TNRC6B: variants seen among roughly 807,000 people sequenced by gnomAD.
TNRC6B encodes the protein trinucleotide repeat-containing gene 6B protein.
In TNRC6B, 52 loss-of-function variants were observed where a neutral mutation model predicts 203.6. That is an observed-to-expected ratio of 0.26 (90% CI 0.20 to 0.32). The LOEUF is 0.32. Among genes scored for constraint, TNRC6B ranks in the 10% least tolerant of loss-of-function variants. The probability of loss-of-function intolerance (pLI) is 1.00; values close to 1 mark genes in which losing one functional copy is unlikely to be tolerated. For missense variants in TNRC6B, 1,923 were observed against 2,286.2 expected (o/e 0.84, Z 3.24); for synonymous variants, 838 against 845.7 (o/e 0.99, Z 0.16).
Position 40,316,456 on chromosome 22 carries a change from A to G in TNRC6B, c.4974+444A>G, listed in dbSNP as rs192166912. Among the ~76,000 whole-genome samples, 121 of 152,178 alleles carry G rather than the reference A, an allele frequency of 8.0e-4. 1 individual carries two copies. Among genetic ancestry groups the G allele is most frequent in the Admixed American group, 2.4e-3 (36 of 15,288 alleles). On this transcript the variant is annotated intron_variant, in intron 21 of 22. Coordinates refer to ENST00000454349, the MANE Select transcript of TNRC6B (RefSeq NM_001162501.2). ...CAAGGCGAGAGGATTGCTTGAAGCC[A>G]GGAGTCTGAAATCAGTCCAAGCAAT...
At chr22:40,130,267 CCTGCTCTTCTGA>C (rs2146327784) in intron 3 of TNRC6B, among the ~76,000 whole-genome samples, 1 of 152,214 alleles carries the variant, frequency 6.6e-6, no homozygotes, top group Non-Finnish European at 1.5e-5. Flanking sequence ...AGGCCCAAAT[CCTGCTCTTCTGA>C]CTCTTGTTTA....
chr22:40,205,932 G>C (rs888737783), intron 1 of TNRC6B, among the ~76,000 whole-genome samples: 1 of 152,092 alleles, frequency 6.6e-6, no homozygotes, highest in Non-Finnish European at 1.5e-5. Context: ...CATGACGAAG[G>C]GGTGATCCAC....
At chr22:40,318,257 C>G (rs1389791728) in intron 21 of TNRC6B, among the ~76,000 whole-genome samples, 3 of 152,072 alleles carry the variant, frequency 2.0e-5, no homozygotes, top group Non-Finnish European at 2.9e-5. Flanking sequence ...GCTCAAAGTT[C>G]CAAGTTACGG....
At chr22:40,078,233 ATTAT>A (rs1038067080) in intron 1 of TNRC6B, among the ~76,000 whole-genome samples, 48 of 152,224 alleles carry the variant, frequency 3.2e-4, no homozygotes, top group African/African-American at 1.2e-3. Flanking sequence ...CTTAATAAAA[ATTAT>A]TTATGATTGG....
At chr22:40,292,429 T>G (rs138465178) in intron 12 of TNRC6B, among the ~76,000 whole-genome samples, 41 of 152,144 alleles carry the variant, frequency 2.7e-4, no homozygotes, top group African/African-American at 9.9e-4. Context: ...GTTTCTACCA[T>G]GCCTGTTTCC....
At chr22:40,132,008 A>G (rs1307546641) in intron 3 of TNRC6B, among the ~76,000 whole-genome samples, 1 of 152,184 alleles carries the variant, frequency 6.6e-6, no homozygotes, top group East Asian at 1.9e-4. Flanking sequence ...AGAGTTACCC[A>G]TGGATCTGTC....
At chr22:40,312,368 A>G (rs1422667225) in intron 17 of TNRC6B, 137 bp from the exon 18 acceptor site, 4 of 972,656 alleles carry the variant, frequency 4.1e-6, no homozygotes, top group Non-Finnish European at 5.8e-6. Context: ...TTTTTCCTTA[A>G]TTTTGTGATG....
intron 1 of TNRC6B, among the ~76,000 whole-genome samples, chr22:40,048,075 T>C (rs958336376): frequency 6.6e-6 from 1 of 152,260 alleles, no homozygotes; most frequent in African/African-American, 2.4e-5. Flanking sequence ...GTCAGTTTGC[T>C]GGATCTCTCC....
intron 3 of TNRC6B, among the ~76,000 whole-genome samples, chr22:40,256,009 C>T (rs970068512): frequency 1.2e-4 from 19 of 152,096 alleles, no homozygotes; most frequent in African/African-American, 1.9e-4. Context: ...CATGCCACCA[C>T]GCCTGGCTAA....
chr22:40,205,309 T>C (rs1033423663), intron 1 of TNRC6B, among the ~76,000 whole-genome samples: 5 of 152,222 alleles, frequency 3.3e-5, no homozygotes, highest in Non-Finnish European at 7.3e-5. Flanking sequence ...TCCATTAATA[T>C]AAGGTGAGAC....
At chr22:40,222,870 T>G (rs1055921156) in intron 1 of TNRC6B, among the ~76,000 whole-genome samples, 1 of 149,934 alleles carries the variant, frequency 6.7e-6, no homozygotes, top group Non-Finnish European at 1.5e-5. Flanking sequence ...CTCAGCCTTG[T>G]GAGTAGCTGG....
Position 40,308,517 on chromosome 22 carries a change from A to G in TNRC6B, c.4126A>G (p.Ser1376Gly), listed in dbSNP as rs779408656. The change falls in exon 16 of 23, where the codon AGC (serine) becomes GGC (glycine). Residue 1376 changes from serine (S) to glycine (G), a missense_variant. Ser to Gly is a moderately conservative substitution (Grantham distance 56). Around this residue, in one of 8 missense-constraint regions of TNRC6B, gnomAD observed 242 missense variants for 399.5 expected, o/e 0.61. Coordinates refer to ENST00000454349, the MANE Select transcript of TNRC6B (RefSeq NM_001162501.2). ...TGTGGTCTTCTCCTTTTTAGGCTTC[A>G]GCTCTGGCGGCATGGACTATGGCAT... ...GPIPGYGSGF[S>G]SGGMDYGMVG... 6.2e-7 allele frequency: 1 copy of G among 1,613,962 alleles called. No homozygotes were observed. The highest frequency in any genetic ancestry group is 8.5e-7 in the Non-Finnish European group (1 of 1,179,858).
chr22:40,169,195 G>A (rs1344865727), intron 4 of TNRC6B, among the ~76,000 whole-genome samples: 1 of 143,546 alleles, frequency 7.0e-6, no homozygotes, highest in African/African-American at 2.6e-5. Flanking sequence ...GCAGTGGCAT[G>A]ATCTCGGGTT....
chr22:40,067,356 G>C (rs1029025116), intron 1 of TNRC6B, among the ~76,000 whole-genome samples: 5 of 152,100 alleles, frequency 3.3e-5, no homozygotes. Flanking sequence ...TTATGTGAAT[G>C]CCCTAGTTCA....
intron 1 of TNRC6B, among the ~76,000 whole-genome samples, chr22:40,197,179 C>T (rs2069348225): frequency 6.6e-6 from 1 of 152,098 alleles, no homozygotes; most frequent in Non-Finnish European, 1.5e-5. Context: ...ATGGTGTCCT[C>T]AGCACTGCAT....
Position 40,279,976 on chromosome 22 carries a change from T to A in TNRC6B, c.3263-19T>A, listed in dbSNP as rs772585275. 6 of 1,612,406 alleles carry A rather than the reference T, an allele frequency of 3.7e-6. No individual in the cohort carries two copies. Among genetic ancestry groups the A allele is most frequent in the Admixed American group, 1.7e-5 (1 of 59,876 alleles). On this transcript the variant is annotated intron_variant, in intron 9 of 22. Coordinates refer to ENST00000454349, the MANE Select transcript of TNRC6B (RefSeq NM_001162501.2). ...ACATTGATTCTGGAAATTTTCACTCTGTGTATGCTACTTTTCAGGAAGCCT... is the reference window on the plus strand; with the variant it reads ...ACATTGATTCTGGAAATTTTCACTCAGTGTATGCTACTTTTCAGGAAGCCT...
chr22:40,164,886 G>A (rs1005435337), intron 4 of TNRC6B, among the ~76,000 whole-genome samples: 2 of 147,324 alleles, frequency 1.4e-5, no homozygotes, highest in Non-Finnish European at 3.0e-5. Context: ...GGTTCAAGCT[G>A]TTCTCCTGCC....
chr22:40,296,064 T>C (rs749805947), intron 12 of TNRC6B, among the ~76,000 whole-genome samples: 10 of 152,210 alleles, frequency 6.6e-5, no homozygotes, highest in Non-Finnish European at 8.8e-5. Context: ...GGAAAACATA[T>C]TGGGGCCACA....
At chr22:40,142,719 T>C (rs910869773) in intron 3 of TNRC6B, among the ~76,000 whole-genome samples, 3 of 152,190 alleles carry the variant, frequency 2.0e-5, no homozygotes, top group Admixed American at 6.5e-5. Flanking sequence ...TCAAGCACAT[T>C]GTCCATACAC....
Sources: gnomAD v4.1 joint callset for allele counts (sites outside exome capture counted in the v4.1 genomes callset) on GRCh38, gnomAD v4.1.1 for gene constraint, gnomAD v4.1.1 regional missense constraint, MANE v1.5 for transcripts, NCBI Gene and HGNC (gene_info 2026-07-23, HGNC 2026-07-21) for gene names.